Variants in CPE observed in about 807,000 individuals in gnomAD.
The protein encoded by CPE is carbocypeptidase E.
In CPE, 17 loss-of-function variants were observed where a neutral mutation model predicts 53.5. The ratio of observed to expected loss-of-function variants is 0.32; its 90% confidence interval spans 0.22 to 0.48. The LOEUF is 0.48. Among genes scored for constraint, CPE ranks in the 20% least tolerant of loss-of-function variants. The pLI, the probability that CPE is intolerant of heterozygous loss-of-function variation, is 0.99. For synonymous variants in CPE, 226 were observed against 228.8 expected (o/e 0.99, Z 0.11); for missense variants, 524 against 614.7 (o/e 0.85, Z 1.56).
At chr4:165,406,941 G>A (rs1730963293) in intron 1 of CPE, among the ~76,000 whole-genome samples, 1 of 152,198 alleles carries the variant, frequency 6.6e-6, no homozygotes, top group African/African-American at 2.4e-5. Context: ...GCATGTATTA[G>A]TACTCCATTA....
rs867272182 is a variant in CPE, at chr4:165,455,661, T to A, written c.308-8729T>A. Among the ~76,000 whole-genome samples the A allele has an allele frequency of 6.4e-3, 968 of 152,210 alleles. 12 individuals carry two copies. Among genetic ancestry groups the A allele is most frequent in the African/African-American group, 0.022 (903 of 41,526 alleles). ...TCTTAAACAAGTCAAAGGTATTTTT[T>A]TTTTTTTTTGAGACAGAGTCTTGCA... is the stretch of plus-strand genomic sequence containing the variant. On this transcript the variant is annotated intron_variant, in intron 1 of 8. Coordinates refer to ENST00000402744, the MANE Select transcript of CPE (RefSeq NM_001873.4).
intron 5 of CPE, among the ~76,000 whole-genome samples, chr4:165,486,448 G>T (rs771529878): frequency 2.0e-5 from 3 of 152,138 alleles, no homozygotes; most frequent in Non-Finnish European, 4.4e-5. Flanking sequence ...AGTGTGAAAG[G>T]AAATTAAATT....
At chr4:165,403,284 C>T (rs753782142) in intron 1 of CPE, among the ~76,000 whole-genome samples, 4 of 151,926 alleles carry the variant, frequency 2.6e-5, no homozygotes, top group Non-Finnish European at 5.9e-5. Flanking sequence ...AGGAAAGGCT[C>T]ATGTCAACTA....
intron 7 of CPE, among the ~76,000 whole-genome samples, chr4:165,494,928 TG>T (rs1288776670): frequency 1.3e-5 from 2 of 152,170 alleles, no homozygotes; most frequent in Admixed American, 6.5e-5. Flanking sequence ...CTCTTCAAAG[TG>T]TGGCCTCTGC....
At chr4:165,459,686 G>GGGGT (rs1363484864) in intron 1 of CPE, among the ~76,000 whole-genome samples, 109 of 116,712 alleles carry the variant, frequency 9.3e-4, no homozygotes, top group African/African-American at 2.1e-3. Flanking sequence ...GGGGGGGGCG[G>GGGGT]GGCAGATCAT....
rs568666068 is a variant in CPE at position 165,464,465 on chromosome 4, C to T, written c.383C>T (p.Ala128Val). 1.1e-5 allele frequency: 17 copies of T among 1,613,794 alleles called. No individual in the cohort carries two copies. In the African/African-American group the frequency reaches 1.9e-4, roughly 18 times the overall value. ...GGACGAGAACTGCTCATTTTCTTGG[C>T]CCAGTACCTATGCAACGAATACCAG... is the stretch of plus-strand genomic sequence containing the variant. The part of the protein sequence containing the change: ...AVGRELLIFL[A>V]QYLCNEYQKG... Residue 128 changes from alanine to valine, a missense_variant, in exon 2 of 9, where the codon GCC becomes GTC. Coordinates refer to ENST00000402744, the MANE Select transcript of CPE (RefSeq NM_001873.4).
At position 165,482,387 on chromosome 4, in the gene CPE, G is replaced by A. The variant is rs1026571125; in HGVS notation, c.790+28G>A. 5.4e-6 allele frequency: 8 copies of A among 1,484,308 alleles called. No homozygotes were observed. In the African/African-American group the frequency reaches 6.9e-5, roughly 13 times the overall value. 91.9% of individuals were successfully genotyped at this position (1,484,308 alleles called of 1,614,324 possible). On this transcript the variant is annotated intron_variant, in intron 4 of 8. Coordinates refer to ENST00000402744, the MANE Select transcript of CPE (RefSeq NM_001873.4). ...AGGTATTCTTTCTGCTTCTCTTATT[G>A]GTTCAAAGTTTATAACACTGTACAA...
intron 1 of CPE, among the ~76,000 whole-genome samples, chr4:165,461,344 AAAG>A (rs1027933447): frequency 1.1e-4 from 17 of 152,168 alleles, no homozygotes; most frequent in Admixed American, 7.2e-4. Context: ...CTCGTGGCTG[AAAG>A]AAGGATGGCT....
At chr4:165,411,674 C>G (rs1481746956) in intron 1 of CPE, among the ~76,000 whole-genome samples, 1 of 152,130 alleles carries the variant, frequency 6.6e-6, no homozygotes, top group Non-Finnish European at 1.5e-5. Flanking sequence ...ATGGAGACCT[C>G]AATACCTGTG....
At chr4:165,390,503 A>T (rs1730663854) in intron 1 of CPE, among the ~76,000 whole-genome samples, 1 of 152,198 alleles carries the variant, frequency 6.6e-6, no homozygotes, top group Non-Finnish European at 1.5e-5. Context: ...AAAATACCTG[A>T]TAAAAATGCT....
At position 165,379,295 on chromosome 4, in the gene CPE, CCGAA is replaced by C; in HGVS notation, c.75_78del (p.Glu26ProfsTer11). On this transcript the variant is annotated frameshift_variant, in exon 1 of 9. Transcript: ENST00000402744. LOFTEE classifies it high-confidence loss of function. The surrounding 1 kb of genome is among the most constrained non-coding windows in gnomAD (Gnocchi z 6.0). ...GCTGCCTGCGGGTGGCTCCTGGGCGCCGAAGCCCAGGAGCCCGGGGCGCCCGCGG... is the reference window on the plus strand; with the variant it reads ...GCTGCCTGCGGGTGGCTCCTGGGCGCGCCCAGGAGCCCGGGGCGCCCGCGG... The C allele has an allele frequency of 1.3e-6, 2 of 1,520,596 alleles. No homozygotes were observed. Among genetic ancestry groups the C allele is most frequent in the South Asian group, 1.2e-5 (1 of 82,478 alleles). 94.2% of individuals were successfully genotyped at this position (1,520,596 alleles called of 1,614,324 possible).
At chr4:165,429,493 A>G (rs1455123914) in intron 1 of CPE, among the ~76,000 whole-genome samples, 1 of 152,136 alleles carries the variant, frequency 6.6e-6, no homozygotes, top group Non-Finnish European at 1.5e-5. Flanking sequence ...GCTTGAGCCC[A>G]GGAGTTTGAG....
At chr4:165,407,134 A>T (rs1378111994) in intron 1 of CPE, among the ~76,000 whole-genome samples, 1 of 152,142 alleles carries the variant, frequency 6.6e-6, no homozygotes. Flanking sequence ...GTCATATTGC[A>T]GTTCTTTGTT....
At chr4:165,405,462 G>T in intron 1 of CPE, 1 of 854,380 alleles carries the variant, frequency 1.2e-6, no homozygotes, top group Non-Finnish European at 2.0e-6. Context: ...ATTTTCAGAG[G>T]TGTGGGATAA....
In CPE at chr4:165,386,019, T is replaced by A. The variant is rs369035691; in HGVS notation, c.307+6491T>A. Among the ~76,000 whole-genome samples, 13 of 152,310 alleles carry A rather than the reference T, an allele frequency of 8.5e-5. 1 individual carries two copies. The highest frequency in any genetic ancestry group is 3.3e-4 in the Admixed American group (5 of 15,298). Reference sequence around the variant, plus strand: ...TGGAGAGCTGTAAAGAATTACAGTGTGGACTTTGATGTCAGGGGACTTGAG... The same window carrying A: ...TGGAGAGCTGTAAAGAATTACAGTGAGGACTTTGATGTCAGGGGACTTGAG... On this transcript the variant is annotated intron_variant, in intron 1 of 8. Transcript: ENST00000402744.
intron 1 of CPE, chr4:165,405,696 A>G (rs1730941999): frequency 2.5e-6 from 2 of 808,170 alleles, no homozygotes; most frequent in Middle Eastern, 2.4e-4. Flanking sequence ...CTGGTCGCAG[A>G]GATTCCACCA....
At chr4:165,400,635 G>A (rs1321064580) in intron 1 of CPE, among the ~76,000 whole-genome samples, 1 of 152,158 alleles carries the variant, frequency 6.6e-6, no homozygotes, top group Non-Finnish European at 1.5e-5. Context: ...AGGAGTAAGT[G>A]AAGGGCAGTT....
chr4:165,413,808 C>T (rs527719814), intron 1 of CPE, among the ~76,000 whole-genome samples: 3 of 152,142 alleles, frequency 2.0e-5, no homozygotes, highest in South Asian at 2.1e-4. Flanking sequence ...CTGGCATTGA[C>T]GTGCTTGGAG....
intron 1 of CPE, among the ~76,000 whole-genome samples, chr4:165,423,739 C>T (rs932688510): frequency 5.3e-5 from 8 of 151,400 alleles, no homozygotes; most frequent in Admixed American, 5.3e-4. Flanking sequence ...GTGCGCTGCA[C>T]CCACTAACTC....
Sources: allele counts gnomAD v4.1 joint callset (sites outside exome capture counted in the v4.1 genomes callset), GRCh38; gene constraint gnomAD v4.1.1; non-coding constraint Gnocchi (gnomAD v3.1); transcripts MANE v1.5; gene names NCBI Gene and HGNC (gene_info 2026-07-23, HGNC 2026-07-21).